Variants in AASDH observed in about 807,000 individuals in gnomAD.
AASDH encodes the protein beta-alanine-activating enzyme.
A neutral mutation model predicts 102.3 loss-of-function variants in AASDH; 81 were observed. The observed-to-expected ratio is 0.79, with a 90% CI of 0.66 to 0.95. AASDH has a LOEUF of 0.95. AASDH is among the 40% of genes least tolerant of loss of function. The probability of loss-of-function intolerance (pLI) is 0.00; values close to 1 mark genes in which losing one functional copy is unlikely to be tolerated. For synonymous variants in AASDH, 398 were observed against 454.0 expected, an observed-to-expected ratio of 0.88 and a Z score of 1.57; for missense variants, 1,203 against 1,266.2, an observed-to-expected ratio of 0.95 and a Z score of 0.76.
chr4:56,381,060 T>C (rs548235363), intron 3 of AASDH, among the ~76,000 whole-genome samples: 1 of 152,324 alleles, frequency 6.6e-6, no homozygotes, highest in Admixed American at 6.5e-5. Context: ...TTTTTGGGTT[T>C]TGCTATGTCC....
chr4:56,362,297 C>T (rs1362687893), intron 5 of AASDH, among the ~76,000 whole-genome samples: 1 of 152,080 alleles, frequency 6.6e-6, no homozygotes, highest in South Asian at 2.1e-4. Context: ...CTAAGTCTCA[C>T]TCTGTTGTCC....
At chr4:56,343,456 A>T in intron 13 of AASDH, 106 bp downstream of exon 13, 1 of 776,374 alleles carries the variant, frequency 1.3e-6, no homozygotes, top group Non-Finnish European at 2.0e-6. Context: ...GTGTATGTGG[A>T]CTACTACAAT....
chr4:56,352,732 C>T (rs1389152023), intron 9 of AASDH, among the ~76,000 whole-genome samples: 2 of 152,152 alleles, frequency 1.3e-5, no homozygotes, highest in African/African-American at 4.8e-5. Context: ...TAAGCTAGGA[C>T]ATCTCATCTC....
At chr4:56,354,572 CTA>C (rs2109895343) in intron 7 of AASDH, 131 bp downstream of exon 7, 1 of 638,984 alleles carries the variant, frequency 1.6e-6, no homozygotes, top group South Asian at 2.5e-5. Flanking sequence ...TATTTCATGA[CTA>C]TATGAATGAG....
rs375874087 is a variant in AASDH, at chr4:56,384,224, T to C, written c.76A>G (p.Asn26Asp). 22 of 1,614,128 alleles carry C rather than the reference T, an allele frequency of 1.4e-5. No homozygotes were observed. The African/African-American group carries it at 2.3e-4, about 17-fold the overall frequency. ...DRVAVCFDEC[N>D]NQLPVYYTYK... is the part of the protein sequence containing the mutation. ...GTGTAGTAAACTGGAAGCTGGTTGT[T>C]GCATTCATCAAAACATACAGCTACT... Residue 26 changes from asparagine (N) to aspartate (D), a missense_variant, in exon 2 of 15, where the codon AAC (asparagine) becomes GAC (aspartate). Physicochemically the swap from Asn to Asp is conservative, Grantham distance 23. Transcript: ENST00000205214.
chr4:56,353,656 G>C, intron 8 of AASDH, 60 bp from the exon 9 acceptor site: 1 of 1,438,622 alleles, frequency 7.0e-7, no homozygotes, highest in South Asian at 1.3e-5. Context: ...CTTCCTAAAA[G>C]CTTATTTTTT....
chr4:56,377,817 T>C (rs1752528568), intron 4 of AASDH, among the ~76,000 whole-genome samples: 1 of 152,236 alleles, frequency 6.6e-6, no homozygotes, highest in Admixed American at 6.5e-5. Flanking sequence ...TTGTTTTGTT[T>C]TGTTTTTGAG....
intron 2 of AASDH, among the ~76,000 whole-genome samples, 166 bp from the exon 3 acceptor site, chr4:56,382,763 A>G (rs1202290439): frequency 6.6e-6 from 1 of 152,218 alleles, no homozygotes; most frequent in Non-Finnish European, 1.5e-5. Flanking sequence ...ACTGACACAT[A>G]GTTGGTAATA....
intron 5 of AASDH, chr4:56,356,125 G>A (rs560600040): frequency 1.2e-4 from 78 of 633,468 alleles, no homozygotes; most frequent in African/African-American, 3.8e-4. Flanking sequence ...CTCTCCTCCC[G>A]CCGTCCAAGA....
Position 56,338,320 on chromosome 4 carries a change from A to T in AASDH, c.*82T>A, listed in dbSNP as rs1452133545. The T allele has an allele frequency of 5.6e-6, 7 of 1,246,994 alleles. No individual in the cohort carries two copies. The highest frequency in any genetic ancestry group is 2.4e-5 in the Admixed American group (1 of 42,304). 77.2% of individuals were successfully genotyped at this position (1,246,994 alleles called of 1,614,324 possible). On this transcript the variant is annotated 3_prime_UTR_variant, in exon 15 of 15. Transcript: ENST00000205214. ...TAGCCAAAATATAATCTTCTTTAAT[A>T]TAAAATAAGTCCACATGATGTATAA...
intron 5 of AASDH, among the ~76,000 whole-genome samples, chr4:56,367,167 G>A (rs1421920165): frequency 1.3e-5 from 2 of 152,076 alleles, no homozygotes; most frequent in Non-Finnish European, 2.9e-5. Flanking sequence ...CAAGGGACGT[G>A]AAGGAACTCT....
chr4:56,338,554 T>G lies in AASDH; in HGVS notation c.3145A>C (p.Ile1049Leu). The change falls in exon 15 of 15, where the codon ATC becomes CTC. Residue 1049 changes from isoleucine (I) to leucine (L), a missense_variant. Ile to Leu is a conservative substitution (Grantham distance 5, BLOSUM62 2). Transcript: ENST00000205214. ...AATTGTCCACTCTGAGATTCCAAGATCCACACTTTCCCATCAGTAGATGCT... is the reference window on the plus strand; with the variant it reads ...AATTGTCCACTCTGAGATTCCAAGAGCCACACTTTCCCATCAGTAGATGCT... The part of the protein sequence containing the change: ...AAASTDGKVW[I>L]LESQSGQLQS... 3 of 1,614,012 alleles carry G rather than the reference T, an allele frequency of 1.9e-6. No individual in the cohort carries two copies. The highest frequency in any genetic ancestry group is 2.2e-5 in the South Asian group (2 of 90,988).
At chr4:56,363,768 G>T (rs1035904482) in intron 5 of AASDH, among the ~76,000 whole-genome samples, 1 of 151,918 alleles carries the variant, frequency 6.6e-6, no homozygotes, top group East Asian at 1.9e-4. Context: ...CACAAAGATG[G>T]GAAAAAAACA....
chr4:56,342,938 G>A lies in AASDH; in HGVS notation c.2804C>T (p.Ser935Phe). The change falls in exon 14 of 15, where the codon TCC (serine) becomes TTC (phenylalanine). Residue 935 changes from serine to phenylalanine, a missense_variant. Coordinates refer to ENST00000205214, the MANE Select transcript of AASDH (RefSeq NM_181806.4). ...PATGNVIWKH[S>F]CGKPLFSSPQ... ...GGAAGAGAAGAGTGGTTTTCCACAGGAATGTTTCCAAATAACGTTCCCAGT... is the reference window on the plus strand; with the variant it reads ...GGAAGAGAAGAGTGGTTTTCCACAGAAATGTTTCCAAATAACGTTCCCAGT... The A allele has an allele frequency of 6.3e-7, 1 of 1,590,684 alleles. No individual in the cohort carries two copies. Among genetic ancestry groups the A allele is most frequent in the Non-Finnish European group, 8.6e-7 (1 of 1,168,524 alleles).
Position 56,354,918 on chromosome 4 carries a change from C to T in AASDH, c.1104-107G>A, listed in dbSNP as rs75427937. ...CAAATAAAGAAAAAAAAGTTTGTTA[C>T]GCTCTAATTCAAAGACTGACAAGAG... On this transcript the variant is annotated intron_variant, in intron 6 of 14. Coordinates refer to ENST00000205214, the MANE Select transcript of AASDH (RefSeq NM_181806.4). 4.1e-3 allele frequency: 3,801 copies of T among 934,494 alleles called. 125 individuals are homozygous for T. In the African/African-American group the frequency reaches 0.057, roughly 14 times the overall value. The allele number at this position is 934,494 out of a possible 1,614,324, so 57.9% of individuals were successfully genotyped here.
intron 5 of AASDH, chr4:56,356,092 T>C (rs903548459): frequency 1.7e-6 from 1 of 603,190 alleles, no homozygotes; most frequent in Non-Finnish European, 2.9e-6. Flanking sequence ...TACAAAAGGG[T>C]TTAAAAATGT....
chr4:56,344,176 G>A (rs552382336), intron 12 of AASDH, among the ~76,000 whole-genome samples: 30 of 152,060 alleles, frequency 2.0e-4, no homozygotes, highest in Non-Finnish European at 3.8e-4. Flanking sequence ...ATTTGACTAT[G>A]TTTCTGATTA....
chr4:56,368,953 T>C (rs991926217), intron 5 of AASDH, among the ~76,000 whole-genome samples: 25 of 150,088 alleles, frequency 1.7e-4, no homozygotes, highest in African/African-American at 5.9e-4. Context: ...CAGCTAAAAT[T>C]CAGAATAAGA....
Position 56,343,638 on chromosome 4 carries a change from G to A in AASDH, c.2699C>T (p.Ser900Phe), listed in dbSNP as rs1425354190. 6.2e-7 allele frequency: 1 copy of A among 1,610,460 alleles called. No homozygotes were observed. Among genetic ancestry groups the A allele is most frequent in the East Asian group, 2.2e-5 (1 of 44,726 alleles). ...TGGAATCAGGTTCAAACACGGAGAG[G>A]AAAAGACAGTTCCTCCACATTTTGA... ...WKSKCGGTVF[S>F]SPCLNLIPHH... Residue 900 changes from serine to phenylalanine, a missense_variant, in exon 13 of 15, where the codon TCC becomes TTC. Coordinates refer to ENST00000205214, the MANE Select transcript of AASDH (RefSeq NM_181806.4).
Sources: allele counts gnomAD v4.1 joint callset (sites outside exome capture counted in the v4.1 genomes callset), GRCh38; gene constraint gnomAD v4.1.1; transcripts MANE v1.5; gene names NCBI Gene and HGNC (gene_info 2026-07-23, HGNC 2026-07-21).